The following WDR20 variants were observed in gnomAD, a reference collection of about 807,000 sequenced individuals.
WDR20 encodes the protein WD repeat-containing protein 20.
WDR20 carries 3 observed loss-of-function variants against 38.7 expected under a neutral mutation model. That is an observed-to-expected ratio of 0.08 (90% CI 0.04 to 0.20). The LOEUF is 0.20. Ranked by LOEUF, WDR20 falls within the 10% of genes least tolerant of loss-of-function variation. WDR20 has a pLI of 1.00. For missense variants in WDR20, 559 were observed against 727.7 expected, an observed-to-expected ratio of 0.77 and a Z score of 2.67; for synonymous variants, 298 against 285.6, an observed-to-expected ratio of 1.04 and a Z score of -0.44.
In WDR20 at chr14:102,166,145, G is replaced by C. The variant is rs8009777; in HGVS notation, c.249+25973G>C. Among the ~76,000 whole-genome samples, 894 of 134,610 alleles carry C rather than the reference G, an allele frequency of 6.6e-3. 14 individuals are homozygous for C. Among genetic ancestry groups the C allele is most frequent in the African/African-American group, 0.025 (859 of 34,556 alleles). The allele number at this position is 134,610 out of a possible 152,430, so 88.3% of individuals were successfully genotyped here. A position where few individuals can be genotyped will look rare whatever the true frequency, so the allele number is the denominator to read the frequency against. On this transcript the variant is annotated intron_variant, in intron 1 of 2. Coordinates refer to ENST00000342702, the MANE Select transcript of WDR20 (RefSeq NM_144574.4). ...CTCACCCCCAGATTGGACTATAGGCGTGTACCACCACGCCTGGCAGAGACC... is the reference window on the plus strand; with the variant it reads ...CTCACCCCCAGATTGGACTATAGGCCTGTACCACCACGCCTGGCAGAGACC...
At chr14:102,212,797 C>G, downstream of WDR20, 2 of 1,349,030 alleles carry the variant, frequency 1.5e-6, no homozygotes, top group South Asian at 3.8e-5. Context: ...TCTCGCCAAA[C>G]TTTGAGCTTC....
rs1327565521 is a variant in WDR20 at position 102,208,332 on chromosome 14, C to G, written c.433-271C>G. 1.3e-5 allele frequency among the ~76,000 whole-genome samples: 2 copies of G among 152,242 alleles called. No individual in the cohort carries two copies. The highest frequency in any genetic ancestry group is 4.8e-5 in the African/African-American group (2 of 41,470). ...GTGAACCCTGTGCCTGGCATCGTGT[C>G]TGGCACTTAGTGGCCCCTCTGCAAA... On this transcript the variant is annotated intron_variant, in intron 2 of 2. Coordinates refer to ENST00000342702, the MANE Select transcript of WDR20 (RefSeq NM_144574.4). The surrounding 1 kb of genome is among the most constrained non-coding windows in gnomAD (Gnocchi z 5.6).
intron 1 of WDR20, among the ~76,000 whole-genome samples, chr14:102,189,647 C>G (rs189910229): frequency 2.6e-5 from 4 of 152,048 alleles, no homozygotes. Flanking sequence ...AAAAAACTTA[C>G]GGTGAAGAAC....
rs1567077757 is a variant in WDR20 at position 102,210,067 on chromosome 14, TA to T, written c.*194del. On this transcript the variant is annotated 3_prime_UTR_variant, in exon 3 of 3. Transcript: ENST00000342702. ...ATTTGATAATTTACCTTAGAGCATT[TA>T]AAAAAATATAATCAAACTAATTGCC... 1 of 1,369,542 alleles carries T rather than the reference TA, an allele frequency of 7.3e-7. No individual in the cohort carries two copies. The highest frequency in any genetic ancestry group is 3.4e-5 in the Admixed American group (1 of 29,100). The allele number at this position is 1,369,542 out of a possible 1,614,324, so 84.8% of individuals were successfully genotyped here.
intron 1 of WDR20, among the ~76,000 whole-genome samples, chr14:102,160,543 A>G (rs983199225): frequency 1.3e-5 from 2 of 152,058 alleles, no homozygotes; most frequent in Non-Finnish European, 2.9e-5. Flanking sequence ...CATTTTAGTA[A>G]AAGAGAGCTT....
At chr14:102,200,470 TGTGTGTGTGTGTGTG>T (rs2060199825) in intron 2 of WDR20, among the ~76,000 whole-genome samples, 1 of 78,790 alleles carries the variant, frequency 1.3e-5, no homozygotes, top group African/African-American at 7.7e-5. Context: ...TTTTTTTTTG[TGTGTGTGTGTGTGTG>T]TGTGTGTGTG....
At chr14:102,200,753 G>A (rs187233364) in intron 2 of WDR20, among the ~76,000 whole-genome samples, 1 of 152,292 alleles carries the variant, frequency 6.6e-6, no homozygotes, top group East Asian at 1.9e-4. Flanking sequence ...TTACTGACAC[G>A]ATACCCTCTG....
intron 2 of WDR20, among the ~76,000 whole-genome samples, chr14:102,203,613 T>C: frequency 6.6e-6 from 1 of 152,092 alleles, no homozygotes; most frequent in East Asian, 1.9e-4. Flanking sequence ...CCCACCCCCC[T>C]GGCCTGCTGT....
At chr14:102,213,871 G>A (rs956064981), downstream of WDR20, 1 of 985,446 alleles carries the variant, frequency 1.0e-6, no homozygotes, top group Non-Finnish European at 1.2e-6. Flanking sequence ...GGGATCCACG[G>A]AAACCCAAGC....
intron 1 of WDR20, among the ~76,000 whole-genome samples, chr14:102,173,429 T>C (rs2061385757): frequency 7.2e-6 from 1 of 138,356 alleles, no homozygotes; most frequent in Non-Finnish European, 1.5e-5. Context: ...TTTTCTTTTT[T>C]TAAAATTATT....
At chr14:102,214,158 G>A (rs954058929), downstream of WDR20, 3 of 985,516 alleles carry the variant, frequency 3.0e-6, no homozygotes, top group Non-Finnish European at 3.6e-6. Flanking sequence ...GGTAGGGGTC[G>A]GGTGACCTGG....
At chr14:102,179,273 C>T (rs988943535) in intron 1 of WDR20, among the ~76,000 whole-genome samples, 3 of 151,814 alleles carry the variant, frequency 2.0e-5, no homozygotes, top group African/African-American at 4.8e-5. Context: ...ATTATAAAAG[C>T]GGCCTTTGAG....
chr14:102,184,465 A>G (rs2064100149), intron 1 of WDR20, among the ~76,000 whole-genome samples: 1 of 152,178 alleles, frequency 6.6e-6, no homozygotes. Flanking sequence ...GAAGCTTGTT[A>G]TTTCAGCAGA....
Position 102,222,990 on chromosome 14 carries a change from G to C in WDR20, c.*107G>C. The C allele has an allele frequency of 7.3e-7, 1 of 1,374,752 alleles. No homozygotes were observed. Among genetic ancestry groups the C allele is most frequent in the Non-Finnish European group, 1.0e-6 (1 of 974,044 alleles). The allele number at this position is 1,374,752 out of a possible 1,614,324, so 85.2% of individuals were successfully genotyped here. ...CGTGCCAGCCGGCGGACCTCAGGCG[G>C]TGGACGTCGGCGATAGCCGTGTGGA... On this transcript the variant is annotated 3_prime_UTR_variant, in exon 4 of 4. Transcript: ENST00000335263. The surrounding 1 kb of genome is among the most constrained non-coding windows in gnomAD (Gnocchi z 4.4).
rs2062286950 is a variant in WDR20, at chr14:102,210,270, A to G, written c.*390A>G. The G allele has an allele frequency of 1.0e-6, 1 of 1,003,892 alleles. No homozygotes were observed. The highest frequency in any genetic ancestry group is 1.2e-6 in the Non-Finnish European group (1 of 840,948). The allele number at this position is 1,003,892 out of a possible 1,614,324, so 62.2% of individuals were successfully genotyped here. Reference sequence around the variant, plus strand: ...TTTTGCTTAACTACTCAATTAGAATATTGTACACCTGATCAATGTGTGTTC... The same window carrying G: ...TTTTGCTTAACTACTCAATTAGAATGTTGTACACCTGATCAATGTGTGTTC... On this transcript the variant is annotated 3_prime_UTR_variant, in exon 3 of 3. Transcript: ENST00000342702.
intron 1 of WDR20, among the ~76,000 whole-genome samples, chr14:102,190,492 C>T (rs1389762569): frequency 6.6e-6 from 1 of 152,078 alleles, no homozygotes; most frequent in Admixed American, 6.5e-5. Flanking sequence ...ACTCAGGAGG[C>T]CACGGCAAGA....
At chr14:102,148,112 G>C (rs2054336220) in intron 1 of WDR20, among the ~76,000 whole-genome samples, 1 of 152,196 alleles carries the variant, frequency 6.6e-6, no homozygotes, top group African/African-American at 2.4e-5. Flanking sequence ...GTTTCTCAGT[G>C]AGGTTAGTTT....
intron 1 of WDR20, among the ~76,000 whole-genome samples, chr14:102,181,992 A>G (rs186058722): frequency 1.6e-4 from 25 of 152,330 alleles, no homozygotes; most frequent in Admixed American, 9.1e-4. Context: ...TTTAACTTCT[A>G]AATGCTAAAA....
At chr14:102,169,828 T>C (rs1488756613) in intron 1 of WDR20, among the ~76,000 whole-genome samples, 1 of 152,172 alleles carries the variant, frequency 6.6e-6, no homozygotes, top group Non-Finnish European at 1.5e-5. Flanking sequence ...GCGCCCGGCC[T>C]TTCTCAAGTA....
Sources: allele counts gnomAD v4.1 joint callset (sites outside exome capture counted in the v4.1 genomes callset), GRCh38; gene constraint gnomAD v4.1.1; non-coding constraint Gnocchi (gnomAD v3.1); transcripts MANE v1.5; gene names NCBI Gene and HGNC (gene_info 2026-07-23, HGNC 2026-07-21).